Variants in PSMA5 observed in about 807,000 individuals in gnomAD.
PSMA5 encodes proteasome 20S subunit alpha 5.
In PSMA5, 3 loss-of-function variants were observed where a neutral mutation model predicts 34.5. The ratio of observed to expected loss-of-function variants is 0.09; its 90% CI spans 0.04 to 0.22. The LOEUF (loss-of-function observed/expected upper bound fraction) is 0.22. Among genes scored for constraint, PSMA5 ranks in the 10% least tolerant of loss-of-function variants. PSMA5 has a pLI of 1.00. For missense variants in PSMA5, 120 were observed against 286.1 expected, an observed-to-expected ratio of 0.42 and a Z score of 4.19; for synonymous variants, 88 against 95.8, an observed-to-expected ratio of 0.92 and a Z score of 0.47.
chr1:109,423,859 A>G (rs985658932), intron 1 of PSMA5, among the ~76,000 whole-genome samples: 1 of 152,176 alleles, frequency 6.6e-6, no homozygotes, highest in African/African-American at 2.4e-5. Flanking sequence ...AATTCAGACA[A>G]TTAATCTCTG....
At chr1:109,412,246 T>C in intron 4 of PSMA5, 62 bp from the exon 5 acceptor site, 1 of 1,339,726 alleles carries the variant, frequency 7.5e-7, no homozygotes, top group Non-Finnish European at 1.1e-6. Flanking sequence ...GCCCACCATC[T>C]CACTACGCAC....
intron 2 of PSMA5, among the ~76,000 whole-genome samples, chr1:109,418,156 G>A (rs1327269965): frequency 6.6e-6 from 1 of 152,128 alleles, no homozygotes; most frequent in African/African-American, 2.4e-5. Flanking sequence ...TGAGGCTGCA[G>A]TGAGCTGTGA....
chr1:109,425,499 CGACAGGATCAGCATATACTT>C (rs1419163099), intron 1 of PSMA5: 1 of 152,080 alleles, frequency 6.6e-6, no homozygotes, highest in African/African-American at 2.4e-5. Context: ...GGTAAAACTT[CGACAGGATCAGCATATACTT>C]GACAGGAAAT....
chr1:109,406,370 A>C (rs1252432788), intron 8 of PSMA5, among the ~76,000 whole-genome samples: 4 of 152,200 alleles, frequency 2.6e-5, no homozygotes, highest in Non-Finnish European at 5.9e-5. Context: ...GAAATGTAAC[A>C]GAATTGATGC....
intron 2 of PSMA5, among the ~76,000 whole-genome samples, chr1:109,419,130 G>A (rs1319200442): frequency 1.3e-5 from 2 of 152,106 alleles, no homozygotes; most frequent in East Asian, 3.9e-4. Context: ...TCCAGCCTGG[G>A]CAACAAGAGC....
At chr1:109,421,187 T>TAAAAA (rs1243565566) in intron 2 of PSMA5, among the ~76,000 whole-genome samples, 2 of 152,134 alleles carry the variant, frequency 1.3e-5, no homozygotes, top group Admixed American at 6.5e-5. Flanking sequence ...ACCCTGTCTC[T>TAAAAA]AAAAAACCAC....
chr1:109,422,707 G>A (rs1406168671), intron 1 of PSMA5, among the ~76,000 whole-genome samples: 3 of 152,056 alleles, frequency 2.0e-5, no homozygotes, highest in African/African-American at 4.8e-5. Context: ...TCCTGACCTC[G>A]TGATCCACCC....
intron 1 of PSMA5, among the ~76,000 whole-genome samples, chr1:109,424,750 A>C (rs969055561): frequency 2.6e-5 from 4 of 152,194 alleles, no homozygotes; most frequent in African/African-American, 9.6e-5. Flanking sequence ...GCACTTTGGG[A>C]GGCCAAGGCA....
At chr1:109,415,093 C>T in intron 3 of PSMA5, 144 bp downstream of exon 3, 2 of 996,660 alleles carry the variant, frequency 2.0e-6, no homozygotes, top group Non-Finnish European at 2.8e-6. Context: ...CCTACTCCTA[C>T]ATTTACGCAT....
chr1:109,418,382 T>C (rs1344224459), intron 2 of PSMA5, among the ~76,000 whole-genome samples: 2 of 152,128 alleles, frequency 1.3e-5, no homozygotes, highest in African/African-American at 4.8e-5. Flanking sequence ...AGTGGCACAA[T>C]CACGTCTCAT....
At chr1:109,414,418 C>T (rs1654115243) in intron 3 of PSMA5, among the ~76,000 whole-genome samples, 1 of 152,230 alleles carries the variant, frequency 6.6e-6, no homozygotes. Flanking sequence ...ATTGCATTGA[C>T]TTACTTACAT....
chr1:109,414,963 G>A (rs186903670), intron 3 of PSMA5: 1 of 324,792 alleles, frequency 3.1e-6, no homozygotes, highest in Non-Finnish European at 5.7e-6. Flanking sequence ...ATAACTTGTA[G>A]TCACTTCAAA....
chr1:109,415,490 A>G (rs1484837012), intron 2 of PSMA5, 127 bp from the exon 3 acceptor site: 12 of 898,542 alleles, frequency 1.3e-5, no homozygotes, highest in African/African-American at 1.7e-5. Flanking sequence ...AGGCAGAGAG[A>G]AGGAGCACCC....
rs936322292 is a variant in PSMA5, at chr1:109,401,005, T to C, written c.*1008A>G. ...CCAACAGCTTAATTTTGTGTGTCCA[T>C]GGGCACACAGCATTAGATTCTTCAT... is the stretch of plus-strand genomic sequence containing the variant. On this transcript the variant is annotated 3_prime_UTR_variant, in exon 9 of 9. Coordinates refer to ENST00000271308, the MANE Select transcript of PSMA5 (RefSeq NM_002790.4). The C allele has an allele frequency of 4.5e-4, 69 of 152,294 alleles. No individual in the cohort carries two copies. The highest frequency in any genetic ancestry group is 1.5e-3 in the African/African-American group (64 of 41,556). The allele number at this position is 152,294 out of a possible 1,614,324, so 9.4% of individuals were successfully genotyped here. A position where few individuals can be genotyped will look rare whatever the true frequency, so the allele number is the denominator to read the frequency against.
rs1472863178 is a variant in PSMA5 at position 109,401,164 on chromosome 1, CT to C, written c.*848del. 6.6e-6 allele frequency: 1 copy of C among 152,174 alleles called. No homozygotes were observed. Among genetic ancestry groups the C allele is most frequent in the Non-Finnish European group, 1.5e-5 (1 of 68,028 alleles). The allele number at this position is 152,174 out of a possible 1,614,324, so 9.4% of individuals were successfully genotyped here. Reference sequence around the variant, plus strand: ...GAAAGTTCATCATTCATTCCAAAGTCTAATGTAAACTGCTTCTGAATTTTAC... The same window carrying C: ...GAAAGTTCATCATTCATTCCAAAGTCAATGTAAACTGCTTCTGAATTTTAC... On this transcript the variant is annotated 3_prime_UTR_variant, in exon 9 of 9. Transcript: ENST00000271308.
At chr1:109,426,189 G>A (rs546780230) in intron 1 of PSMA5, 113 bp downstream of exon 1, 1 of 1,423,668 alleles carries the variant, frequency 7.0e-7, no homozygotes, top group African/African-American at 1.4e-5. Flanking sequence ...CCCAGGTCCG[G>A]CCAGTCTCGG....
chr1:109,402,791 C>T (rs902249774), intron 8 of PSMA5, among the ~76,000 whole-genome samples: 19 of 152,248 alleles, frequency 1.2e-4, no homozygotes, highest in African/African-American at 2.9e-4. Flanking sequence ...CCGCAACCTC[C>T]GCCTCCCGGG....
intron 6 of PSMA5, among the ~76,000 whole-genome samples, chr1:109,411,398 C>T (rs1203917039): frequency 6.6e-6 from 1 of 152,110 alleles, no homozygotes; most frequent in Non-Finnish European, 1.5e-5. Flanking sequence ...AGGATCAGAT[C>T]AACATTCCAG....
In PSMA5 at chr1:109,406,215, T is replaced by G. The variant is rs148807283; in HGVS notation, c.648+3713A>C. On this transcript the variant is annotated intron_variant, in intron 8 of 8. Transcript: ENST00000271308. ...AGAGTTATCTTAGCAAGGAGCAGTCTCATGGAAATAATAAAAGCTGAAACA... is the reference window on the plus strand; with the variant it reads ...AGAGTTATCTTAGCAAGGAGCAGTCGCATGGAAATAATAAAAGCTGAAACA... Among the ~76,000 whole-genome samples the G allele has an allele frequency of 4.0e-4, 61 of 152,240 alleles. No individual in the cohort carries two copies. The East Asian group carries it at 0.011, about 26-fold the overall frequency.
Sources: allele counts gnomAD v4.1 joint callset (sites outside exome capture counted in the v4.1 genomes callset), GRCh38; gene constraint gnomAD v4.1.1; transcripts MANE v1.5; gene names NCBI Gene and HGNC (gene_info 2026-07-23, HGNC 2026-07-21).